The following IYD variants were observed in gnomAD, a reference collection of about 807,000 sequenced individuals.
The protein encoded by IYD is iodotyrosine deiodinase.
Under a neutral mutation model 28.4 loss-of-function variants are expected in IYD, and 25 were observed. That is an observed-to-expected ratio of 0.88 (90% CI 0.64 to 1.23). The LOEUF (loss-of-function observed/expected upper bound fraction) is 1.23, where lower values mean the gene tolerates loss of function less well. Among genes scored for constraint, IYD ranks in the 50% most tolerant of loss-of-function variants. The probability of loss-of-function intolerance (pLI) is 0.00; values close to 1 mark genes in which losing one functional copy is unlikely to be tolerated. For synonymous variants in IYD, 140 were observed against 130.8 expected, an observed-to-expected ratio of 1.07 and a Z score of -0.48; for missense variants, 352 against 357.9, an observed-to-expected ratio of 0.98 and a Z score of 0.13.
At chr6:150,381,484 G>A (rs1252102159) in intron 1 of IYD, among the ~76,000 whole-genome samples, 5 of 152,140 alleles carry the variant, frequency 3.3e-5, no homozygotes, top group Admixed American at 6.5e-5. Flanking sequence ...TGCACTCACT[G>A]AAGAAGTGTA....
chr6:150,386,957 C>T (rs1190833706), intron 1 of IYD, among the ~76,000 whole-genome samples: 1 of 152,050 alleles, frequency 6.6e-6, no homozygotes, highest in Non-Finnish European at 1.5e-5. Context: ...CTATTCTTGC[C>T]ATGGTTAAAA....
At chr6:150,376,742 C>G (rs1777457857) in intron 1 of IYD, among the ~76,000 whole-genome samples, 1 of 152,142 alleles carries the variant, frequency 6.6e-6, no homozygotes, top group African/African-American at 2.4e-5. Context: ...CCTCCCACCT[C>G]AGCCTCTTGA....
rs769810415 is a variant in IYD at position 150,369,060 on chromosome 6, C to T, written c.29C>T (p.Ala10Val). 9 of 1,613,990 alleles carry T rather than the reference C, an allele frequency of 5.6e-6. No individual in the cohort carries two copies. The highest frequency in any genetic ancestry group is 2.2e-5 in the East Asian group (1 of 44,878). The change falls in exon 1 of 5, where the codon GCC (alanine) becomes GTC (valine). Residue 10 changes from alanine (A) to valine (V), a missense_variant. Coordinates refer to ENST00000344419, the MANE Select transcript of IYD (RefSeq NM_203395.3). MYFLTPILV[A>V]ILCILVVWIF... ...TATTTCCTGACTCCCATCTTGGTAG[C>T]CATTCTCTGCATTTTGGTTGTGTGG...
intron 1 of IYD, among the ~76,000 whole-genome samples, chr6:150,372,690 G>A: frequency 8.9e-6 from 1 of 112,582 alleles, no homozygotes; most frequent in African/African-American, 3.7e-5. Context: ...TTAGACATGT[G>A]TGTGTGGGGG....
intron 1 of IYD, among the ~76,000 whole-genome samples, chr6:150,374,064 T>A (rs1326142740): frequency 2.0e-5 from 3 of 152,198 alleles, no homozygotes; most frequent in Non-Finnish European, 4.4e-5. Context: ...CCCAAAGAGA[T>A]AAAGGGTCTC....
chr6:150,370,139 C>T (rs1358680351), intron 1 of IYD: 7 of 673,268 alleles, frequency 1.0e-5, no homozygotes, highest in Non-Finnish European at 1.6e-5. Context: ...CATCCCCAAA[C>T]AGAGGCCACC....
chr6:150,388,982 G>A (rs751075410), intron 1 of IYD, among the ~76,000 whole-genome samples: 8 of 152,066 alleles, frequency 5.3e-5, no homozygotes, highest in African/African-American at 1.9e-4. Context: ...GATTATAGGC[G>A]TAAGCCACCA....
At chr6:150,383,450 G>A (rs1365512848) in intron 1 of IYD, among the ~76,000 whole-genome samples, 4 of 152,140 alleles carry the variant, frequency 2.6e-5, no homozygotes, top group African/African-American at 4.8e-5. Context: ...GATTTTGACC[G>A]TCATTTCCTA....
At chr6:150,397,466 A>C (rs1052482525) in intron 4 of IYD, among the ~76,000 whole-genome samples, 1 of 151,852 alleles carries the variant, frequency 6.6e-6, no homozygotes, top group African/African-American at 2.4e-5. Flanking sequence ...GCTACTTAGC[A>C]GACTGAGGTG....
In IYD at chr6:150,377,500, T is replaced by C. The variant is rs58908653; in HGVS notation, c.178+8291T>C. Among the ~76,000 whole-genome samples, 450 of 152,218 alleles carry C rather than the reference T, an allele frequency of 3.0e-3. 1 individual carries two copies. Among genetic ancestry groups the C allele is most frequent in the African/African-American group, 7.2e-3 (300 of 41,540 alleles). On this transcript the variant is annotated intron_variant, in intron 1 of 4. Transcript: ENST00000344419. ...GCCCGGCTGTGCACTGCTCCGAGAG[T>C]GCACTCAGGACAATCCCATCAGGAG...
intron 1 of IYD, among the ~76,000 whole-genome samples, chr6:150,375,794 C>T (rs1440007887): frequency 6.6e-6 from 1 of 152,136 alleles, no homozygotes; most frequent in Non-Finnish European, 1.5e-5. Context: ...TGGCTCCCAT[C>T]CTCACCTTCA....
intron 1 of IYD, among the ~76,000 whole-genome samples, chr6:150,377,935 A>T (rs572605306): frequency 2.6e-5 from 4 of 152,274 alleles, no homozygotes; most frequent in Non-Finnish European, 5.9e-5. Flanking sequence ...AAGTTGATAG[A>T]TGTTTATTAC....
rs1778450252 is a variant in IYD, at chr6:150,399,733, G to A, written c.*1496G>A. 6.6e-6 allele frequency: 1 copy of A among 152,322 alleles called. No individual in the cohort carries two copies. Among genetic ancestry groups the A allele is most frequent in the Non-Finnish European group, 1.5e-5 (1 of 68,182 alleles). 9.4% of individuals were successfully genotyped at this position (152,322 alleles called of 1,614,324 possible). On this transcript the variant is annotated 3_prime_UTR_variant, in exon 5 of 5. Transcript: ENST00000344419. The stretch of plus-strand genomic sequence containing the variant: ...CGGGGTGCCCTCATGGTCAGGTGCT[G>A]GTGAGGACCCTGATCTGGGTTGCAG...
chr6:150,386,416 GATC>G (rs1259276651), intron 1 of IYD, among the ~76,000 whole-genome samples: 2 of 151,334 alleles, frequency 1.3e-5, no homozygotes, highest in African/African-American at 2.4e-5. Flanking sequence ...TACAGTCAGA[GATC>G]ATTATCTATT....
intron 1 of IYD, chr6:150,370,081 T>G: frequency 1.4e-6 from 1 of 701,348 alleles, no homozygotes; most frequent in Non-Finnish European, 2.6e-6. Flanking sequence ...TGGGATGGGT[T>G]CGATTTGGAA....
At chr6:150,390,109 G>A (rs1778055702) in intron 2 of IYD, among the ~76,000 whole-genome samples, 1 of 152,114 alleles carries the variant, frequency 6.6e-6, no homozygotes, top group Admixed American at 6.5e-5. Flanking sequence ...AAAATGGGGA[G>A]GAGAAATAAG....
At chr6:150,377,915 G>T (rs1397421193) in intron 1 of IYD, among the ~76,000 whole-genome samples, 2 of 152,178 alleles carry the variant, frequency 1.3e-5, no homozygotes, top group Non-Finnish European at 2.9e-5. Context: ...GGCCAGGACT[G>T]ATTGTTAGAA....
chr6:150,371,086 C>T (rs926208579), intron 1 of IYD, among the ~76,000 whole-genome samples: 1 of 151,996 alleles, frequency 6.6e-6, no homozygotes, highest in Non-Finnish European at 1.5e-5. Context: ...GGGACACATG[C>T]GGTTAAGAGG....
rs886061167 is a variant in IYD at position 150,398,240 on chromosome 6, A to C, written c.*3A>C. On this transcript the variant is annotated 3_prime_UTR_variant, in exon 5 of 5. Coordinates refer to ENST00000344419, the MANE Select transcript of IYD (RefSeq NM_203395.3). The stretch of plus-strand genomic sequence containing the variant: ...ACCAGATCATGGTGACAGTGTAGGC[A>C]GGGCCCCCCAAGGGAGTGGCAGGGA... The C allele has an allele frequency of 3.1e-6, 5 of 1,613,898 alleles. No homozygotes were observed. The South Asian group carries it at 5.5e-5, about 18-fold the overall frequency.
Sources: gnomAD v4.1 joint callset for allele counts (sites outside exome capture counted in the v4.1 genomes callset) on GRCh38, gnomAD v4.1.1 for gene constraint, MANE v1.5 for transcripts, NCBI Gene and HGNC (gene_info 2026-07-23, HGNC 2026-07-21) for gene names.